Variants in ERBB4 observed in about 807,000 individuals in gnomAD.
ERBB4 encodes receptor tyrosine-protein kinase erbB-4.
ERBB4 carries 42 observed loss-of-function variants against 158.0 expected under a neutral mutation model. That is an observed-to-expected ratio of 0.27 (90% confidence interval 0.21 to 0.34). The LOEUF (loss-of-function observed/expected upper bound fraction) is 0.34, where lower values mean the gene tolerates loss of function less well. ERBB4 is among the 10% of genes least tolerant of loss of function. ERBB4 has a pLI of 1.00. For missense variants in ERBB4, 1,333 were observed against 1,624.1 expected (o/e 0.82, Z 3.08); for synonymous variants, 583 against 558.7 (o/e 1.04, Z -0.61).
At chr2:211,740,532 C>T (rs1053801053) in intron 5 of ERBB4, among the ~76,000 whole-genome samples, 1 of 151,492 alleles carries the variant, frequency 6.6e-6, no homozygotes, top group African/African-American at 2.4e-5. Flanking sequence ...TATCCAGTTA[C>T]CCCTTCTTAT....
intron 20 of ERBB4, among the ~76,000 whole-genome samples, chr2:211,515,912 A>ATATATATATATATATATATATAT (rs35696520): frequency 1.8e-4 from 14 of 78,982 alleles, no homozygotes; most frequent in Non-Finnish European, 2.2e-4. Flanking sequence ...ATATATATAT[A>ATATATATATATATATATATATAT]TTTTTTTTTT....
At chr2:211,404,052 G>A (rs2063098519) in intron 25 of ERBB4, among the ~76,000 whole-genome samples, 1 of 152,100 alleles carries the variant, frequency 6.6e-6, no homozygotes, top group East Asian at 1.9e-4. Context: ...TGTATAATTA[G>A]GTACATAGAT....
At chr2:211,626,951 A>T (rs925051823) in intron 17 of ERBB4, among the ~76,000 whole-genome samples, 5 of 33,102 alleles carry the variant, frequency 1.5e-4, no homozygotes, top group Non-Finnish European at 4.1e-4. Flanking sequence ...AATAAATAAA[A>T]AAAATAAAAA....
chr2:211,375,719 C>A lies in ERBB4; in HGVS notation c.*7896G>T, dbSNP rs1017958859. 1 of 224,846 alleles carries A rather than the reference C, an allele frequency of 4.4e-6. No homozygotes were observed. Among genetic ancestry groups the A allele is most frequent in the Non-Finnish European group, 8.9e-6 (1 of 112,668 alleles). The allele number at this position is 224,846 out of a possible 1,614,324, so 13.9% of individuals were successfully genotyped here. Reference sequence around the variant, plus strand: ...AACAAATTTCTGACACAAAAGAGAACGTTTGTTTCATATTTTATTGAATTT... The same window carrying A: ...AACAAATTTCTGACACAAAAGAGAAAGTTTGTTTCATATTTTATTGAATTT... On this transcript the variant is annotated 3_prime_UTR_variant, in exon 28 of 28. Coordinates refer to ENST00000342788, the MANE Select transcript of ERBB4 (RefSeq NM_005235.3).
intron 2 of ERBB4, among the ~76,000 whole-genome samples, chr2:211,948,635 T>C (rs1434708769): frequency 1.3e-5 from 2 of 151,914 alleles, no homozygotes; most frequent in Non-Finnish European, 2.9e-5. Context: ...TTCAATAAAA[T>C]GATGATAAAT....
chr2:211,513,282 C>T (rs2125619188), intron 20 of ERBB4, among the ~76,000 whole-genome samples: 1 of 140,662 alleles, frequency 7.1e-6, no homozygotes, highest in East Asian at 2.3e-4. Context: ...ACCCGGGAAG[C>T]GGAGCTTGCA....
chr2:211,599,944 A>G (rs971897039), intron 19 of ERBB4, among the ~76,000 whole-genome samples: 11 of 152,078 alleles, frequency 7.2e-5, no homozygotes, highest in Admixed American at 2.0e-4. Flanking sequence ...ACTTCTCAAT[A>G]TGGGTGCTTC....
chr2:212,260,616 C>T (rs1052194813), intron 1 of ERBB4, among the ~76,000 whole-genome samples: 1 of 152,054 alleles, frequency 6.6e-6, no homozygotes, highest in African/African-American at 2.4e-5. Flanking sequence ...AGTTCAAGAC[C>T]AGCCTGGCAA....
Position 212,239,365 on chromosome 2 carries a change from A to T in ERBB4, c.83-114462T>A, listed in dbSNP as rs79626733. 4.2e-3 allele frequency among the ~76,000 whole-genome samples: 644 copies of T among 152,354 alleles called. 1 individual carries two copies. Among genetic ancestry groups the T allele is most frequent in the Non-Finnish European group, 7.0e-3 (476 of 68,030 alleles). ...GCTAGATTTAATTTCTACACATACA[A>T]AAAGGAGTAATTGCATATGCCCTAC... On this transcript the variant is annotated intron_variant, in intron 1 of 27. Coordinates refer to ENST00000342788, the MANE Select transcript of ERBB4 (RefSeq NM_005235.3).
At chr2:211,428,922 G>A (rs940920398) in intron 21 of ERBB4, among the ~76,000 whole-genome samples, 3 of 151,728 alleles carry the variant, frequency 2.0e-5, no homozygotes, top group African/African-American at 2.4e-5. Context: ...ATGTTGCCCA[G>A]GCTAGCCTAG....
At position 212,191,831 on chromosome 2, in the gene ERBB4, TTA is replaced by T. The variant is rs1166532686; in HGVS notation, c.83-66930_83-66929del. On this transcript the variant is annotated intron_variant, in intron 1 of 27. Transcript: ENST00000342788. ...TAATACATGTTATATATGTTCTATG[TTA>T]TATATAATACATGTTATATATGTTC... 4.2e-4 allele frequency among the ~76,000 whole-genome samples: 58 copies of T among 138,918 alleles called. 1 individual carries two copies. The highest frequency in any genetic ancestry group is 3.9e-3 in the Middle Eastern group (1 of 256). The allele number at this position is 138,918 out of a possible 152,430, so 91.1% of individuals were successfully genotyped here. A position where few individuals can be genotyped will look rare whatever the true frequency, so the allele number is the denominator to read the frequency against.
chr2:211,797,042 AAC>A (rs2076397339), intron 3 of ERBB4, among the ~76,000 whole-genome samples: 2 of 151,954 alleles, frequency 1.3e-5, no homozygotes, highest in Admixed American at 6.6e-5. Context: ...ATAACAGACA[AAC>A]ACAACCAAAG....
intron 2 of ERBB4, among the ~76,000 whole-genome samples, chr2:211,993,224 G>A (rs993797784): frequency 2.0e-5 from 3 of 152,182 alleles, no homozygotes; most frequent in Admixed American, 1.3e-4. Flanking sequence ...TCCTAGGGGT[G>A]AGACCCTAAC....
chr2:212,469,569 G>A (rs1322663327), intron 1 of ERBB4, among the ~76,000 whole-genome samples: 2 of 152,080 alleles, frequency 1.3e-5, no homozygotes, highest in Admixed American at 1.3e-4. Context: ...CCAACAGTAT[G>A]CTTAGCACCA....
At chr2:212,522,977 G>A (rs1445691350) in intron 1 of ERBB4, among the ~76,000 whole-genome samples, 4 of 151,946 alleles carry the variant, frequency 2.6e-5, no homozygotes, top group Non-Finnish European at 4.4e-5. Context: ...AAAACAGAAC[G>A]TAGGCATCAC....
chr2:211,458,958 T>C (rs781363136), intron 20 of ERBB4, among the ~76,000 whole-genome samples: 58 of 152,214 alleles, frequency 3.8e-4, no homozygotes, highest in Non-Finnish European at 6.5e-4. Flanking sequence ...CTTCCTCTTT[T>C]TGTTTTCCCA....
chr2:212,333,886 A>T (rs2088303930), intron 1 of ERBB4, among the ~76,000 whole-genome samples: 1 of 152,134 alleles, frequency 6.6e-6, no homozygotes, highest in South Asian at 2.1e-4. Flanking sequence ...CAGCCAAGTC[A>T]CCTAATACAG....
At chr2:212,510,204 A>AGTAT (rs1191060332) in intron 1 of ERBB4, among the ~76,000 whole-genome samples, 1 of 85,286 alleles carries the variant, frequency 1.2e-5, no homozygotes, top group Non-Finnish European at 2.2e-5. Context: ...CTAACCACAC[A>AGTAT]GTATATATAT....
intron 2 of ERBB4, among the ~76,000 whole-genome samples, chr2:212,047,206 CCA>C (rs1415927749): frequency 6.6e-6 from 1 of 151,990 alleles, no homozygotes; most frequent in African/African-American, 2.4e-5. Flanking sequence ...CAAAATCCAC[CCA>C]CACTTTACAA....
Sources: allele counts gnomAD v4.1 joint callset (sites outside exome capture counted in the v4.1 genomes callset), GRCh38; gene constraint gnomAD v4.1.1; transcripts MANE v1.5; gene names NCBI Gene and HGNC (gene_info 2026-07-23, HGNC 2026-07-21).